Variants in CAMKK1 observed in about 807,000 individuals in gnomAD.
The protein encoded by CAMKK1 is calcium/calmodulin-dependent protein kinase kinase 1.
Under a neutral mutation model 63.5 loss-of-function variants are expected in CAMKK1, and 20 were observed. The ratio of observed to expected loss-of-function variants is 0.32; its 90% CI spans 0.22 to 0.46. The LOEUF (loss-of-function observed/expected upper bound fraction) is 0.46. CAMKK1 is among the 20% of genes least tolerant of loss of function. The pLI is 1.00. For synonymous variants in CAMKK1, 253 were observed against 269.0 expected (o/e 0.94, Z 0.58); for missense variants, 588 against 658.1 (o/e 0.89, Z 1.17).
intron 12 of CAMKK1, among the ~76,000 whole-genome samples, chr17:3,871,333 G>GGTTTTTTTTTTTTTTTTTTTTTTT (rs1567617833): frequency 9.0e-6 from 1 of 111,006 alleles, no homozygotes; most frequent in Non-Finnish European, 1.9e-5. Context: ...GTTGTTTTTT[G>GGTTTTTTTTTTTTTTTTTTTTTTT]TTTTTTTTTT....
rs1438151212 is a variant in CAMKK1, at chr17:3,893,049, C to G, written c.-154G>C. 1.3e-5 allele frequency: 2 copies of G among 148,300 alleles called. No homozygotes were observed. The highest frequency in any genetic ancestry group is 3.9e-4 in the South Asian group (2 of 5,124). 9.2% of individuals were successfully genotyped at this position (148,300 alleles called of 1,614,324 possible). On this transcript the variant is annotated 5_prime_UTR_variant, in exon 1 of 16. Coordinates refer to ENST00000348335, the MANE Select transcript of CAMKK1 (RefSeq NM_032294.3). This position sits in a 1 kb window ranked among gnomAD's most constrained non-coding sequence, Gnocchi z 4.6. ...ACCGCCTCGCTGGGGCCCAGATCGC[C>G]GAGCTCAGCCCGCGGGCGCCGCGGC...
intron 11 of CAMKK1, among the ~76,000 whole-genome samples, chr17:3,873,114 C>T (rs1437446104): frequency 1.3e-5 from 2 of 152,220 alleles, no homozygotes; most frequent in African/African-American, 4.8e-5. Flanking sequence ...GAACACATGG[C>T]TCAATAAGTG....
Position 3,882,070 on chromosome 17 carries a change from G to C in CAMKK1, c.686-422C>G, listed in dbSNP as rs182790852. The C allele has an allele frequency of 1.6e-5, 9 of 562,280 alleles. No homozygotes were observed. The Admixed American group carries it at 2.4e-4, about 15-fold the overall frequency. 34.8% of individuals were successfully genotyped at this position (562,280 alleles called of 1,614,324 possible). A position where few individuals can be genotyped will look rare whatever the true frequency, so the allele number is the denominator to read the frequency against. On this transcript the variant is annotated intron_variant, in intron 7 of 15. Coordinates refer to ENST00000348335, the MANE Select transcript of CAMKK1 (RefSeq NM_032294.3). This position sits in a 1 kb window ranked among gnomAD's most constrained non-coding sequence, Gnocchi z 4.3. ...AGCCCAGCCCTGAACCAGACACAAGGAACTAAAATAATAACATTACTATTA... is the reference window on the plus strand; with the variant it reads ...AGCCCAGCCCTGAACCAGACACAAGCAACTAAAATAATAACATTACTATTA...
rs8078283 is a variant in CAMKK1 at position 3,869,111 on chromosome 17, C to G, written c.1341+376G>C. ...AGCCTCCCGAGTAGCTGGGACTACA[C>G]GCGCCCGCCACCACGCCCAGCTAAT... On this transcript the variant is annotated intron_variant, in intron 14 of 15. Transcript: ENST00000348335. 5.5e-3 allele frequency among the ~76,000 whole-genome samples: 826 copies of G among 151,386 alleles called. 7 individuals carry two copies. Among genetic ancestry groups the G allele is most frequent in the African/African-American group, 0.019 (774 of 41,194 alleles).
intron 10 of CAMKK1, among the ~76,000 whole-genome samples, chr17:3,875,078 C>T (rs890293086): frequency 2.6e-5 from 4 of 151,646 alleles, no homozygotes; most frequent in Non-Finnish European, 4.4e-5. Flanking sequence ...GCTGAGATCG[C>T]GCCACTGCAC....
chr17:3,891,146 A>C (rs545356602), intron 1 of CAMKK1, among the ~76,000 whole-genome samples: 2 of 151,876 alleles, frequency 1.3e-5, no homozygotes, highest in African/African-American at 4.8e-5. Flanking sequence ...AGCCAGGGAC[A>C]TGGACGCCTG....
In CAMKK1 at chr17:3,873,454, A is replaced by C; in HGVS notation, c.1005T>G (p.Asp335Glu). 1 of 1,614,058 alleles carries C rather than the reference A, an allele frequency of 6.2e-7. No individual in the cohort carries two copies. Among genetic ancestry groups the C allele is most frequent in the South Asian group, 1.1e-5 (1 of 91,070 alleles). The change falls in exon 11 of 16, where the codon GAT (aspartate) becomes GAG (glutamate). Residue 335 changes from aspartate to glutamate, a missense_variant. Physicochemically the swap from Asp to Glu is conservative, Grantham distance 45. Coordinates refer to ENST00000348335, the MANE Select transcript of CAMKK1 (RefSeq NM_032294.3). Reference sequence around the variant, plus strand: ...ACAACGTGACGCCAGTGGCCCATACATCCAAGGCCTGGAAAGAAACATGCT... The same window carrying C: ...ACAACGTGACGCCAGTGGCCCATACCTCCAAGGCCTGGAAAGAAACATGCT... ...SGQSFSGKAL[D>E]VWATGVTLYC...
chr17:3,884,944 C>A lies in CAMKK1; in HGVS notation c.360+384G>T, dbSNP rs1270608267. ...CCAGCAGAAGCCCAGAGGCTGGAGG[C>A]AGGCCGGCCGCTTCTGAGTCACAGC... On this transcript the variant is annotated intron_variant, in intron 2 of 15. Coordinates refer to ENST00000348335, the MANE Select transcript of CAMKK1 (RefSeq NM_032294.3). The surrounding 1 kb of genome is among the most constrained non-coding windows in gnomAD (Gnocchi z 4.5). Among the ~76,000 whole-genome samples the A allele has an allele frequency of 1.3e-5, 2 of 152,176 alleles. No homozygotes were observed. Among genetic ancestry groups the A allele is most frequent in the African/African-American group, 2.4e-5 (1 of 41,442 alleles).
At chr17:3,871,495 C>T (rs1482145874) in intron 12 of CAMKK1, among the ~76,000 whole-genome samples, 4 of 150,558 alleles carry the variant, frequency 2.7e-5, no homozygotes, top group East Asian at 1.9e-4. Flanking sequence ...GCTGGGACTA[C>T]AGGCACCCGC....
At chr17:3,863,612 G>A (rs2054400426) in intron 15 of CAMKK1, among the ~76,000 whole-genome samples, 1 of 152,138 alleles carries the variant, frequency 6.6e-6, no homozygotes. Flanking sequence ...GGTGGCTCAT[G>A]CCTGTAATCA....
intron 10 of CAMKK1, among the ~76,000 whole-genome samples, chr17:3,873,667 C>T (rs992768801): frequency 3.9e-5 from 6 of 152,188 alleles, no homozygotes; most frequent in African/African-American, 1.4e-4. Flanking sequence ...GGCCTCCACC[C>T]TCCAGGGGTT....
chr17:3,881,977 G>A, intron 7 of CAMKK1: 1 of 527,184 alleles, frequency 1.9e-6, no homozygotes, highest in African/African-American at 1.9e-5. Context: ...AGGGAGTGGA[G>A]ACTAAAGCCT....
In CAMKK1 at chr17:3,882,654, C is replaced by T; in HGVS notation, c.649-90G>A. The T allele has an allele frequency of 1.6e-6, 2 of 1,235,612 alleles. No individual in the cohort carries two copies. Among genetic ancestry groups the T allele is most frequent in the South Asian group, 1.3e-5 (1 of 77,304 alleles). 76.5% of individuals were successfully genotyped at this position (1,235,612 alleles called of 1,614,324 possible). ...TCCTGGTCCTTGCCAGCCCCAGAAC[C>T]CTTAGTATGCATGCAACCACCCCAG... is the stretch of plus-strand genomic sequence containing the variant. On this transcript the variant is annotated intron_variant, in intron 6 of 15. Coordinates refer to ENST00000348335, the MANE Select transcript of CAMKK1 (RefSeq NM_032294.3). This position sits in a 1 kb window ranked among gnomAD's most constrained non-coding sequence, Gnocchi z 4.3.
Position 3,882,322 on chromosome 17 carries a change from G to A in CAMKK1, c.685+206C>T, listed in dbSNP as rs772463276. 7.4e-6 allele frequency: 12 copies of A among 1,613,812 alleles called. No homozygotes were observed. Among genetic ancestry groups the A allele is most frequent in the Non-Finnish European group, 1.0e-5 (12 of 1,179,908 alleles). Reference sequence around the variant, plus strand: ...AGAGGGAAGCAGGGAGTGGGGCTTGGCGATATTTGTTGAATCTAACTGGAT... The same window carrying A: ...AGAGGGAAGCAGGGAGTGGGGCTTGACGATATTTGTTGAATCTAACTGGAT... On this transcript the variant is annotated intron_variant, in intron 7 of 15. Transcript: ENST00000348335. The surrounding 1 kb of genome is among the most constrained non-coding windows in gnomAD (Gnocchi z 4.3).
chr17:3,868,190 CCGTCT>C (rs2054638938), intron 14 of CAMKK1, among the ~76,000 whole-genome samples: 2 of 7,034 alleles, frequency 2.8e-4, no homozygotes, highest in Non-Finnish European at 5.2e-4. Context: ...GAAGCAGGCG[CCGTCT>C]AACTGATACG....
In CAMKK1 at chr17:3,884,057, C is replaced by T; in HGVS notation, c.409-120G>A. On this transcript the variant is annotated intron_variant, in intron 3 of 15. Transcript: ENST00000348335. The surrounding 1 kb of genome is among the most constrained non-coding windows in gnomAD (Gnocchi z 4.5). ...GCACCCCATCTGCACTACCCACCACCAGCTGGCTCACGGGCAAATATTGTA... is the reference window on the plus strand; with the variant it reads ...GCACCCCATCTGCACTACCCACCACTAGCTGGCTCACGGGCAAATATTGTA... 1.0e-6 allele frequency: 1 copy of T among 974,472 alleles called. No homozygotes were observed. Among genetic ancestry groups the T allele is most frequent in the Non-Finnish European group, 1.6e-6 (1 of 627,698 alleles). 60.4% of individuals were successfully genotyped at this position (974,472 alleles called of 1,614,324 possible).
At chr17:3,873,244 A>G (rs528507947) in intron 11 of CAMKK1, among the ~76,000 whole-genome samples, 165 bp downstream of exon 11, 10 of 152,294 alleles carry the variant, frequency 6.6e-5, no homozygotes, top group African/African-American at 2.4e-4. Flanking sequence ...ATCGCTCCGC[A>G]GGGGACCAGA....
chr17:3,881,835 T>C (rs2143868293), intron 7 of CAMKK1, 187 bp from the exon 8 acceptor site: 1 of 599,030 alleles, frequency 1.7e-6, no homozygotes, highest in East Asian at 2.8e-5. Flanking sequence ...TATGGACCTG[T>C]CTCATCTGAT....
intron 12 of CAMKK1, among the ~76,000 whole-genome samples, chr17:3,872,111 A>T (rs2054915583): frequency 6.6e-6 from 1 of 152,196 alleles, no homozygotes; most frequent in Non-Finnish European, 1.5e-5. Flanking sequence ...GGGGAGGAAG[A>T]GTGGCTTGAG....
Sources: gnomAD v4.1 joint callset for allele counts (sites outside exome capture counted in the v4.1 genomes callset) on GRCh38, gnomAD v4.1.1 for gene constraint, Gnocchi (gnomAD v3.1) non-coding constraint, MANE v1.5 for transcripts, NCBI Gene and HGNC (gene_info 2026-07-23, HGNC 2026-07-21) for gene names.